NOL10: variants seen among roughly 807,000 people sequenced by gnomAD.
NOL10 encodes nucleolar protein 10.
Under a neutral mutation model 103.5 loss-of-function variants are expected in NOL10, and 58 were observed. The ratio of observed to expected loss-of-function variants is 0.56; its 90% CI spans 0.45 to 0.70. NOL10 has a LOEUF of 0.70. Ranked by LOEUF, NOL10 falls within the 30% of genes least tolerant of loss-of-function variation. NOL10 has a pLI of 0.00. For synonymous variants in NOL10, 287 were observed against 282.5 expected (o/e 1.02, Z -0.16); for missense variants, 763 against 807.3 (o/e 0.95, Z 0.67).
At chr2:10,579,468 T>C (rs1405102368) in intron 19 of NOL10, among the ~76,000 whole-genome samples, 1 of 152,192 alleles carries the variant, frequency 6.6e-6, no homozygotes, top group Non-Finnish European at 1.5e-5. Context: ...CATACTTGAT[T>C]TACACAGTTT....
chr2:10,635,951 C>T (rs953275059), intron 13 of NOL10, among the ~76,000 whole-genome samples: 2 of 152,180 alleles, frequency 1.3e-5, no homozygotes, highest in African/African-American at 2.4e-5. Flanking sequence ...GGTAGCACGA[C>T]CTCGGCTCAC....
At chr2:10,638,483 CTT>C (rs869294782) in intron 13 of NOL10, among the ~76,000 whole-genome samples, 3 of 77,772 alleles carry the variant, frequency 3.9e-5, no homozygotes, top group African/African-American at 5.4e-5. Context: ...GCTGAATTCC[CTT>C]TTTTTTTTTT....
chr2:10,636,094 G>C (rs1572343152), intron 13 of NOL10, among the ~76,000 whole-genome samples: 1 of 152,118 alleles, frequency 6.6e-6, no homozygotes, highest in East Asian at 1.9e-4. Flanking sequence ...CGCCTTGTTG[G>C]CCAGGCTAGT....
intron 13 of NOL10, among the ~76,000 whole-genome samples, chr2:10,630,007 T>C (rs1677730915): frequency 6.6e-6 from 1 of 152,188 alleles, no homozygotes; most frequent in South Asian, 2.1e-4. Context: ...CCAGGCTGCC[T>C]AGAAATCCTG....
At chr2:10,642,531 C>T (rs1295532507) in intron 13 of NOL10, among the ~76,000 whole-genome samples, 2 of 152,174 alleles carry the variant, frequency 1.3e-5, no homozygotes, top group African/African-American at 4.8e-5. Context: ...CCACAGCCGG[C>T]TCACAAGACC....
Position 10,633,345 on chromosome 2 carries a change from C to T in NOL10, c.1026+10975G>A, listed in dbSNP as rs188005120. Among the ~76,000 whole-genome samples, 999 of 151,874 alleles carry T rather than the reference C, an allele frequency of 6.6e-3. 10 individuals are homozygous for T. The highest frequency in any genetic ancestry group is 0.028 in the South Asian group (134 of 4,800). On this transcript the variant is annotated intron_variant, in intron 13 of 20. Transcript: ENST00000381685. Reference sequence around the variant, plus strand: ...AGTTGGGATTACAGGTGGGTACCACCGCAAAAGGCTCTAATTTTAAATTTC... The same window carrying T: ...AGTTGGGATTACAGGTGGGTACCACTGCAAAAGGCTCTAATTTTAAATTTC...
At position 10,571,880 on chromosome 2, in the gene NOL10, G is replaced by A. The variant is rs1263617860; in HGVS notation, c.*191C>T. On this transcript the variant is annotated 3_prime_UTR_variant, in exon 21 of 21. Transcript: ENST00000381685. ...CGCAAGCACACCCCTGGGGCTGTGC[G>A]GTGGCCGTCGGCGGGGCCAGCTTCA... 6 of 591,366 alleles carry A rather than the reference G, an allele frequency of 1.0e-5. No individual in the cohort carries two copies. The highest frequency in any genetic ancestry group is 6.1e-5 in the Admixed American group (2 of 32,938). 36.6% of individuals were successfully genotyped at this position (591,366 alleles called of 1,614,324 possible). A position where few individuals can be genotyped will look rare whatever the true frequency, so the allele number is the denominator to read the frequency against.
At chr2:10,575,923 T>C (rs142536920) in intron 20 of NOL10, among the ~76,000 whole-genome samples, 12 of 152,334 alleles carry the variant, frequency 7.9e-5, no homozygotes, top group Non-Finnish European at 1.6e-4. Flanking sequence ...AAGTGATAAA[T>C]GTAAGAGGGC....
At position 10,657,976 on chromosome 2, in the gene NOL10, T is replaced by G. The variant is rs973367231; in HGVS notation, c.757-85A>C. ...TCTAAGTGAGAATAATGGCAGCCAT[T>G]TGCTTCATCGCTTTGTTATGAACAC... On this transcript the variant is annotated intron_variant, in intron 10 of 20. Transcript: ENST00000381685. The G allele has an allele frequency of 1.1e-5, 12 of 1,056,224 alleles. 1 individual carries two copies. The East Asian group carries it at 3.2e-4, about 28-fold the overall frequency. 65.4% of individuals were successfully genotyped at this position (1,056,224 alleles called of 1,614,324 possible).
intron 12 of NOL10, among the ~76,000 whole-genome samples, chr2:10,645,856 T>G (rs1235950193): frequency 2.6e-5 from 4 of 151,796 alleles, no homozygotes; most frequent in Non-Finnish European, 5.9e-5. Context: ...AAACCACGTC[T>G]TGCCAATAAC....
intron 13 of NOL10, among the ~76,000 whole-genome samples, chr2:10,628,767 G>A (rs1572327539): frequency 6.6e-6 from 1 of 152,122 alleles, no homozygotes; most frequent in Admixed American, 6.5e-5. Context: ...GCTGTCATGC[G>A]CAGTATTAGG....
intron 19 of NOL10, among the ~76,000 whole-genome samples, chr2:10,579,560 C>CTTTTT (rs398043037): frequency 6.9e-6 from 1 of 144,324 alleles, no homozygotes. Context: ...TTTCGGTTAG[C>CTTTTT]TTTTTTTTTT....
chr2:10,664,761 C>G (rs1002092520), intron 8 of NOL10, among the ~76,000 whole-genome samples: 1 of 152,164 alleles, frequency 6.6e-6, no homozygotes, highest in Non-Finnish European at 1.5e-5. Flanking sequence ...GTCTCGAACT[C>G]CTGGACTCAA....
chr2:10,591,502 T>A (rs1051025319), intron 17 of NOL10, among the ~76,000 whole-genome samples: 1 of 152,140 alleles, frequency 6.6e-6, no homozygotes, highest in Admixed American at 6.5e-5. Context: ...ATGATGCAAT[T>A]TCAAAACAAT....
At chr2:10,643,527 G>T (rs59199925) in intron 13 of NOL10, among the ~76,000 whole-genome samples, 1 of 152,040 alleles carries the variant, frequency 6.6e-6, no homozygotes, top group Non-Finnish European at 1.5e-5. Flanking sequence ...AAAGGGAAGG[G>T]TGGGAGCTTC....
chr2:10,592,023 C>A (rs1675417299), intron 17 of NOL10, among the ~76,000 whole-genome samples: 1 of 66,638 alleles, frequency 1.5e-5, no homozygotes, highest in East Asian at 2.9e-4. Flanking sequence ...AACAAACAAA[C>A]AAACCAACCC....
chr2:10,682,107 T>A (rs1184733622), intron 2 of NOL10, 38 bp from the exon 3 acceptor site: 1 of 936,764 alleles, frequency 1.1e-6, no homozygotes, highest in Non-Finnish European at 1.5e-6. Flanking sequence ...TTAACTAACA[T>A]GTGCTTATTC....
intron 19 of NOL10, among the ~76,000 whole-genome samples, chr2:10,583,372 C>A (rs1379971047): frequency 6.6e-6 from 1 of 152,172 alleles, no homozygotes; most frequent in East Asian, 1.9e-4. Context: ...TTACTTTATA[C>A]AATGACGCTA....
chr2:10,584,715 T>TA (rs1394110837), intron 19 of NOL10, among the ~76,000 whole-genome samples: 1 of 152,236 alleles, frequency 6.6e-6, no homozygotes, highest in Non-Finnish European at 1.5e-5. Flanking sequence ...ATGTTTAACT[T>TA]AGTGATATTT....
Sources: gnomAD v4.1 joint callset for allele counts (sites outside exome capture counted in the v4.1 genomes callset) on GRCh38, gnomAD v4.1.1 for gene constraint, MANE v1.5 for transcripts, NCBI Gene and HGNC (gene_info 2026-07-23, HGNC 2026-07-21) for gene names.